POLR1C: variants seen among roughly 807,000 people sequenced by gnomAD.
The protein encoded by POLR1C is RNA polymerase I and III subunit C, also known as DNA-directed RNA polymerases I and III subunit RPAC1.
POLR1C carries 42 observed loss-of-function variants against 38.3 expected under a neutral mutation model. The observed-to-expected ratio is 1.10, with a 90% confidence interval of 0.86 to 1.42. POLR1C has a LOEUF of 1.42. Among genes scored for constraint, POLR1C ranks in the 40% most tolerant of loss-of-function variants. The probability of loss-of-function intolerance (pLI) is 0.00; values close to 1 mark genes in which losing one functional copy is unlikely to be tolerated. For synonymous variants in POLR1C, 163 were observed against 163.9 expected, an observed-to-expected ratio of 0.99 and a Z score of 0.04; for missense variants, 507 against 450.5, an observed-to-expected ratio of 1.13 and a Z score of -1.14.
Position 43,517,323 on chromosome 6 carries a change from T to C in POLR1C, c.87T>C (p.Phe29=). 2 of 1,614,120 alleles carry C rather than the reference T, an allele frequency of 1.2e-6. No individual in the cohort carries two copies. The highest frequency in any genetic ancestry group is 1.7e-6 in the Non-Finnish European group (2 of 1,179,994). The change falls in exon 2 of 9, where the codon TTT becomes TTC. Residue 29 remains phenylalanine (F), a synonymous_variant. Coordinates refer to ENST00000642195, the MANE Select transcript of POLR1C (RefSeq NM_203290.4). ...FGVRNVHTTD[F]PGNYSGYDDA... ...TGCTCTAGGTCCATACTACTGACTT[T>C]CCCGGTAACTATTCCGGTTATGATG...
intron 9 of POLR1C, among the ~76,000 whole-genome samples, chr6:43,539,874 T>C (rs1488299910): frequency 1.3e-5 from 2 of 152,278 alleles, no homozygotes; most frequent in African/African-American, 4.8e-5. Flanking sequence ...TATGAAGTTA[T>C]ATCTCTTTAG....
At chr6:43,538,770 TCTTTTTTTTTTTCCCACG>T (rs1373661409) in intron 9 of POLR1C, 1 of 651,490 alleles carries the variant, frequency 1.5e-6, no homozygotes, top group Non-Finnish European at 2.5e-6. Flanking sequence ...ACTACATTTT[TCTTTTTTTTTTTCCCACG>T]CTTAATTCAC....
At chr6:43,561,043 C>A in intron 10 of POLR1C, 2 of 1,526,520 alleles carry the variant, frequency 1.3e-6, no homozygotes, top group South Asian at 1.1e-5. Flanking sequence ...CGGTGTTGAT[C>A]GAGAAAAGCA....
At chr6:43,524,110 G>A, downstream of POLR1C, 2 of 1,480,996 alleles carry the variant, frequency 1.4e-6, no homozygotes, top group Non-Finnish European at 1.8e-6. Context: ...CAACACTTTT[G>A]GGAGGCCAAG....
At chr6:43,530,829 A>T, downstream of POLR1C, 2 of 1,605,982 alleles carry the variant, frequency 1.2e-6, no homozygotes, top group Non-Finnish European at 1.7e-6. Context: ...TGAAAACTGT[A>T]AAGGGGAAAA....
chr6:43,534,049 C>A, downstream of POLR1C: 1 of 1,495,930 alleles, frequency 6.7e-7, no homozygotes. Context: ...CCATCTGATG[C>A]AGAAGGAAAG....
At chr6:43,533,883 GA>G, downstream of POLR1C, 1 of 1,542,104 alleles carries the variant, frequency 6.5e-7, no homozygotes, top group African/African-American at 1.4e-5. Flanking sequence ...TAAACCTTAG[GA>G]GAAAAAAGGT....
At chr6:43,553,728 C>T (rs1761852773) in intron 10 of POLR1C, 1 of 883,114 alleles carries the variant, frequency 1.1e-6, no homozygotes, top group Non-Finnish European at 1.5e-6. Context: ...CCTCCTCCTC[C>T]TCTAACAATG....
At chr6:43,524,379 A>G, downstream of POLR1C, 3 of 1,441,888 alleles carry the variant, frequency 2.1e-6, no homozygotes, top group Non-Finnish European at 1.9e-6. Flanking sequence ...AAATCTCACC[A>G]TAATGGTCAA....
In POLR1C at chr6:43,519,306, CTTAAATG is replaced by C; in HGVS notation, c.142-24_142-18del. 1 of 1,377,678 alleles carries C rather than the reference CTTAAATG, an allele frequency of 7.3e-7. No homozygotes were observed. Among genetic ancestry groups the C allele is most frequent in the Non-Finnish European group, 1.0e-6 (1 of 964,508 alleles). The allele number at this position is 1,377,678 out of a possible 1,614,324, so 85.3% of individuals were successfully genotyped here. Reference sequence around the variant, plus strand: ...GATATTACACAGAGAGCAGATTTCACTTAAATGTTTTTTCCTGTCCCTCTAGAATTTC... The same window carrying C: ...GATATTACACAGAGAGCAGATTTCACTTTTTTCCTGTCCCTCTAGAATTTC... On this transcript the variant is annotated intron_variant, in intron 2 of 8. Coordinates refer to ENST00000642195, the MANE Select transcript of POLR1C (RefSeq NM_203290.4).
intron 9 of POLR1C, among the ~76,000 whole-genome samples, chr6:43,540,404 G>A (rs1561871926): frequency 6.6e-6 from 1 of 152,192 alleles, no homozygotes; most frequent in Non-Finnish European, 1.5e-5. Flanking sequence ...CCGTGAACCT[G>A]GGAGGCAGAG....
In POLR1C at chr6:43,560,222, T is replaced by C. The variant is rs771942305; in HGVS notation, c.*49-1178T>C. 4 of 1,612,618 alleles carry C rather than the reference T, an allele frequency of 2.5e-6. No homozygotes were observed. The highest frequency in any genetic ancestry group is 1.1e-5 in the South Asian group (1 of 90,720). On this transcript the variant is annotated intron_variant, in intron 10 of 10. Coordinates refer to the POLR1C transcript ENST00000607635. ...GAAGCACGAAGATATTTTGGTATTA[T>C]TGCTAATAGCAAAGGATCACGGGAC...
downstream of POLR1C, chr6:43,524,000 G>A: frequency 6.2e-7 from 1 of 1,612,534 alleles, no homozygotes; most frequent in Admixed American, 1.7e-5. Context: ...GCTCTCCCAA[G>A]GGTTTCTGTG....
downstream of POLR1C, chr6:43,522,749 T>C (rs1328260478): frequency 2.0e-6 from 1 of 494,734 alleles, no homozygotes; most frequent in South Asian, 1.5e-5. Flanking sequence ...AGGTCTGTTT[T>C]TGTGCAGAGC....
At chr6:43,523,231 T>C, downstream of POLR1C, 1 of 181,760 alleles carries the variant, frequency 5.5e-6, no homozygotes. Context: ...TCCTTGGAGG[T>C]ACTATACTTG....
chr6:43,553,364 A>C (rs1561878316), intron 10 of POLR1C: 1 of 1,604,390 alleles, frequency 6.2e-7, no homozygotes. Context: ...ATGGGAAATA[A>C]TTACTTACTT....
chr6:43,549,115 G>A (rs947771012), intron 9 of POLR1C, among the ~76,000 whole-genome samples: 1 of 152,128 alleles, frequency 6.6e-6, no homozygotes, highest in Non-Finnish European at 1.5e-5. Context: ...CCAGGCTGGA[G>A]CAATGGCGTG....
chr6:43,541,780 T>A (rs1430388766), intron 9 of POLR1C, among the ~76,000 whole-genome samples: 1 of 152,336 alleles, frequency 6.6e-6, no homozygotes, highest in South Asian at 2.1e-4. Context: ...ATCCAATACT[T>A]CTTTTTTTCT....
intron 10 of POLR1C, chr6:43,560,050 C>G: frequency 8.3e-7 from 1 of 1,206,712 alleles, no homozygotes. Flanking sequence ...AACTCCTGGG[C>G]TCAAGCGATC....
Sources: allele counts gnomAD v4.1 joint callset (sites outside exome capture counted in the v4.1 genomes callset), GRCh38; gene constraint gnomAD v4.1.1; transcripts MANE v1.5; gene names NCBI Gene and HGNC (gene_info 2026-07-23, HGNC 2026-07-21).